The following TBC1D20 variants were observed in gnomAD, a reference collection of about 807,000 sequenced individuals.
TBC1D20 encodes the protein chromosome 20 open reading frame 140.
A neutral mutation model predicts 41.6 loss-of-function variants in TBC1D20; 12 were observed. That is an observed-to-expected ratio of 0.29 (90% CI 0.18 to 0.47). The LOEUF (loss-of-function observed/expected upper bound fraction) is 0.47. TBC1D20 is among the 20% of genes least tolerant of loss of function. TBC1D20 has a pLI of 1.00. For missense variants in TBC1D20, 421 were observed against 517.4 expected, an observed-to-expected ratio of 0.81 and a Z score of 1.81; for synonymous variants, 205 against 204.8, an observed-to-expected ratio of 1.00 and a Z score of -0.01.
chr20:446,353 CTTTT>C (rs528213180), intron 2 of TBC1D20, among the ~76,000 whole-genome samples: 2 of 151,600 alleles, frequency 1.3e-5, no homozygotes, highest in South Asian at 2.1e-4. Flanking sequence ...AGGGTGTTTT[CTTTT>C]TTTTTGAGTA....
chr20:441,427 C>G, intron 5 of TBC1D20, 161 bp downstream of exon 5: 1 of 634,630 alleles, frequency 1.6e-6, no homozygotes. Flanking sequence ...GCTCCAAGAA[C>G]TGAATTACCC....
chr20:457,376 C>A (rs554128725), intron 1 of TBC1D20, among the ~76,000 whole-genome samples: 2 of 152,180 alleles, frequency 1.3e-5, no homozygotes, highest in Admixed American at 1.3e-4. Flanking sequence ...TTCTATGCCA[C>A]CATGCCTAAT....
chr20:451,361 A>G (rs769930824), intron 1 of TBC1D20, among the ~76,000 whole-genome samples: 35 of 152,190 alleles, frequency 2.3e-4, no homozygotes, highest in Admixed American at 2.6e-4. Flanking sequence ...CCTGGCCAAC[A>G]TGGTGAAACC....
intron 1 of TBC1D20, among the ~76,000 whole-genome samples, chr20:457,208 T>C (rs1201370693): frequency 1.3e-5 from 2 of 152,310 alleles, no homozygotes; most frequent in East Asian, 3.9e-4. Context: ...AGTGCTAGGA[T>C]TACAGGCATG....
intron 1 of TBC1D20, among the ~76,000 whole-genome samples, chr20:455,601 G>C (rs1020607331): frequency 3.3e-5 from 5 of 149,692 alleles, no homozygotes; most frequent in African/African-American, 1.2e-4. Flanking sequence ...CTGGGCAACA[G>C]AGTGACACTC....
chr20:444,620 A>G (rs1369961860), intron 3 of TBC1D20, among the ~76,000 whole-genome samples: 2 of 152,146 alleles, frequency 1.3e-5, no homozygotes, highest in African/African-American at 4.8e-5. Context: ...TAATTAAGGA[A>G]TATACTCTTA....
At chr20:445,457 CA>C (rs986077980) in intron 2 of TBC1D20, among the ~76,000 whole-genome samples, 15 of 152,278 alleles carry the variant, frequency 9.9e-5, no homozygotes, top group African/African-American at 3.4e-4. Flanking sequence ...CTCTGAATTT[CA>C]AAGTCCACAG....
chr20:456,178 C>T (rs151030935), intron 1 of TBC1D20, among the ~76,000 whole-genome samples: 1 of 150,528 alleles, frequency 6.6e-6, no homozygotes, highest in Non-Finnish European at 1.5e-5. Context: ...GAGGCAGAGG[C>T]GGGTTGTAGT....
At chr20:460,515 G>A (rs187542770) in intron 1 of TBC1D20, among the ~76,000 whole-genome samples, 3 of 151,844 alleles carry the variant, frequency 2.0e-5, no homozygotes, top group East Asian at 1.9e-4. Context: ...ATTTCAGTCT[G>A]GGTAAGAGTT....
Position 462,322 on chromosome 20 carries a change from G to C in TBC1D20, c.70+14C>G. The C allele has an allele frequency of 7.8e-7, 1 of 1,288,634 alleles. No individual in the cohort carries two copies. Among genetic ancestry groups the C allele is most frequent in the Non-Finnish European group, 9.9e-7 (1 of 1,009,596 alleles). The allele number at this position is 1,288,634 out of a possible 1,614,324, so 79.8% of individuals were successfully genotyped here. The stretch of plus-strand genomic sequence containing the variant: ...CTCGCAGGCCGCTCCCGGCGCCCCG[G>C]TCGGCTTCCGTACCTGCCTTCTCCG... On this transcript the variant is annotated intron_variant, in intron 1 of 7. Coordinates refer to ENST00000354200, the MANE Select transcript of TBC1D20 (RefSeq NM_144628.4).
chr20:458,125 T>C (rs1333280865), intron 1 of TBC1D20, among the ~76,000 whole-genome samples: 1 of 152,054 alleles, frequency 6.6e-6, no homozygotes, highest in Non-Finnish European at 1.5e-5. Flanking sequence ...ACCCCATCTC[T>C]CTTTCTAAAT....
Position 447,898 on chromosome 20 carries a change from G to C in TBC1D20, c.247C>G (p.Pro83Ala). The C allele has an allele frequency of 6.2e-7, 1 of 1,612,052 alleles. No individual in the cohort carries two copies. The highest frequency in any genetic ancestry group is 8.5e-7 in the Non-Finnish European group (1 of 1,179,272). Residue 83 changes from proline to alanine, a missense_variant, in exon 2 of 8, where the codon CCT becomes GCT. Around this residue, in one of 3 missense-constraint regions of TBC1D20, gnomAD observed 150 missense variants for 151.3 expected, o/e 0.99. Transcript: ENST00000354200. ...LLNVNANDPP[P>A]ISGKNLRQMS... ...CCCCCACTCCCCTTACCTGATATAG[G>C]AGGTGGGTCATTGGCATTGACATTG... is the stretch of plus-strand genomic sequence containing the variant.
intron 5 of TBC1D20, chr20:440,675 A>G (rs905840145): frequency 3.1e-6 from 1 of 326,046 alleles, no homozygotes; most frequent in East Asian, 6.1e-5. Context: ...GTTTTCAGAG[A>G]ACTACGCCAT....
chr20:445,550 A>G (rs922711780), intron 2 of TBC1D20, among the ~76,000 whole-genome samples: 6 of 152,220 alleles, frequency 3.9e-5, no homozygotes, highest in African/African-American at 1.4e-4. Context: ...CCTAACGCCT[A>G]TAAAGTTGTG....
Position 439,070 on chromosome 20 carries a change from A to G in TBC1D20, c.956+38T>C. 1 of 1,580,114 alleles carries G rather than the reference A, an allele frequency of 6.3e-7. No homozygotes were observed. The highest frequency in any genetic ancestry group is 1.2e-5 in the South Asian group (1 of 85,200). On this transcript the variant is annotated intron_variant, in intron 7 of 7. Transcript: ENST00000354200. The surrounding 1 kb of genome is among the most constrained non-coding windows in gnomAD (Gnocchi z 4.6). Reference sequence around the variant, plus strand: ...CCTTCCCTCGCTTCTGCTCATTTACAGCCACCCCCATTCAACCAGTGTCCC... The same window carrying G: ...CCTTCCCTCGCTTCTGCTCATTTACGGCCACCCCCATTCAACCAGTGTCCC...
At chr20:456,125 T>A (rs907421686) in intron 1 of TBC1D20, among the ~76,000 whole-genome samples, 1 of 151,582 alleles carries the variant, frequency 6.6e-6, no homozygotes, top group East Asian at 1.9e-4. Context: ...CTACAAAAAA[T>A]AGGTGGGCGT....
In TBC1D20 at chr20:453,415, A is replaced by G. The variant is rs369599467; in HGVS notation, c.71-5341T>C. Among the ~76,000 whole-genome samples, 25 of 142,420 alleles carry G rather than the reference A, an allele frequency of 1.8e-4. 3 individuals carry two copies. Among genetic ancestry groups the G allele is most frequent in the African/African-American group, 6.3e-4 (24 of 37,870 alleles). The allele number at this position is 142,420 out of a possible 152,430, so 93.4% of individuals were successfully genotyped here. A position where few individuals can be genotyped will look rare whatever the true frequency, so the allele number is the denominator to read the frequency against. The stretch of plus-strand genomic sequence containing the variant: ...CTTGAACCTGGGAGGCAGAGGTTGC[A>G]GTGAGCCGAGATCATGCTATATGCC... On this transcript the variant is annotated intron_variant, in intron 1 of 7. Coordinates refer to ENST00000354200, the MANE Select transcript of TBC1D20 (RefSeq NM_144628.4).
At chr20:451,839 C>A (rs138380188) in intron 1 of TBC1D20, among the ~76,000 whole-genome samples, 13 of 152,216 alleles carry the variant, frequency 8.5e-5, no homozygotes, top group Non-Finnish European at 1.6e-4. Context: ...AATCAATAAA[C>A]CAATAAATTC....
intron 1 of TBC1D20, among the ~76,000 whole-genome samples, chr20:448,841 C>A (rs886203631): frequency 7.9e-6 from 1 of 127,186 alleles, no homozygotes; most frequent in Non-Finnish European, 1.6e-5. Flanking sequence ...ATTACACGTA[C>A]TTTTTTTTTT....
Sources: allele counts gnomAD v4.1 joint callset (sites outside exome capture counted in the v4.1 genomes callset), GRCh38; gene constraint gnomAD v4.1.1; regional missense constraint gnomAD v4.1.1; non-coding constraint Gnocchi (gnomAD v3.1); transcripts MANE v1.5; gene names NCBI Gene and HGNC (gene_info 2026-07-23, HGNC 2026-07-21).